The following GPC5 variants were observed in gnomAD, a reference collection of about 807,000 sequenced individuals.
GPC5 encodes the protein glypican 5, also known as glypican-5.
GPC5 carries 47 observed loss-of-function variants against 53.9 expected under a neutral mutation model. The observed-to-expected ratio is 0.87, with a 90% CI of 0.69 to 1.11. GPC5 has a LOEUF of 1.11. GPC5 is among the 50% of genes most tolerant of loss of function. GPC5 has a pLI of 0.00. For synonymous variants in GPC5, 286 were observed against 263.3 expected (o/e 1.09, Z -0.84); for missense variants, 748 against 713.1 (o/e 1.05, Z -0.56).
At chr13:92,748,534 G>A (rs961158466) in intron 7 of GPC5, among the ~76,000 whole-genome samples, 3 of 151,658 alleles carry the variant, frequency 2.0e-5, no homozygotes, top group African/African-American at 4.8e-5. Flanking sequence ...TCTTGGCCAG[G>A]CTGGTCTTGA....
intron 2 of GPC5, among the ~76,000 whole-genome samples, chr13:91,671,032 A>G (rs538965173): frequency 1.3e-5 from 2 of 152,316 alleles, no homozygotes; most frequent in East Asian, 1.9e-4. Context: ...AAGTAATCAC[A>G]AAGGATAGAT....
At chr13:92,793,903 AC>A (rs1394373797) in intron 7 of GPC5, among the ~76,000 whole-genome samples, 2 of 152,096 alleles carry the variant, frequency 1.3e-5, no homozygotes, top group Non-Finnish European at 2.9e-5. Context: ...TAGCCTACCA[AC>A]CAAAAAAAGT....
At chr13:92,196,469 T>A (rs1182733940) in intron 7 of GPC5, among the ~76,000 whole-genome samples, 1 of 152,204 alleles carries the variant, frequency 6.6e-6, no homozygotes, top group East Asian at 1.9e-4. Context: ...TAGCTTTTTA[T>A]TGTTCTATAT....
chr13:91,539,730 G>T (rs1024224919), intron 2 of GPC5, among the ~76,000 whole-genome samples: 3 of 151,774 alleles, frequency 2.0e-5, no homozygotes, highest in African/African-American at 7.3e-5. Context: ...GAGAAATGAG[G>T]ATGTATACTT....
At chr13:91,981,065 A>AT (rs900856896) in intron 6 of GPC5, among the ~76,000 whole-genome samples, 7 of 152,130 alleles carry the variant, frequency 4.6e-5, no homozygotes, top group Non-Finnish European at 1.0e-4. Flanking sequence ...TAAGAGTATT[A>AT]TTGTTTGTGT....
intron 6 of GPC5, among the ~76,000 whole-genome samples, chr13:92,090,048 A>G (rs745643002): frequency 2.6e-5 from 4 of 152,210 alleles, no homozygotes; most frequent in Non-Finnish European, 1.5e-5. Flanking sequence ...GTGAAAAAGT[A>G]TGTATGGAAG....
intron 7 of GPC5, among the ~76,000 whole-genome samples, chr13:92,441,755 C>G (rs74948479): frequency 0.018 from 2,778 of 152,258 alleles, 93 homozygotes; most frequent in African/African-American, 0.064. Context: ...AATGGCCCTA[C>G]TTGCCTAGAA....
intron 7 of GPC5, among the ~76,000 whole-genome samples, chr13:92,398,506 C>T (rs957322296): frequency 6.6e-6 from 1 of 151,116 alleles, no homozygotes; most frequent in Non-Finnish European, 1.5e-5. Context: ...AAATTTTACT[C>T]ATTATTTCTG....
chr13:92,660,778 C>A (rs938320507), intron 7 of GPC5, among the ~76,000 whole-genome samples: 1 of 152,068 alleles, frequency 6.6e-6, no homozygotes, highest in Admixed American at 6.6e-5. Flanking sequence ...ACACAATTTT[C>A]TATTATGATG....
chr13:91,655,896 C>G (rs1490055690), intron 2 of GPC5, among the ~76,000 whole-genome samples: 2 of 152,104 alleles, frequency 1.3e-5, no homozygotes, highest in African/African-American at 4.8e-5. Context: ...GGGGTGAAAA[C>G]AACTATGGAG....
intron 2 of GPC5, among the ~76,000 whole-genome samples, chr13:91,463,478 G>A (rs753993971): frequency 2.0e-5 from 3 of 152,066 alleles, no homozygotes; most frequent in Non-Finnish European, 4.4e-5. Context: ...AATTTATGTG[G>A]AAAGGCAGAG....
At chr13:92,428,526 G>C (rs1226041792) in intron 7 of GPC5, among the ~76,000 whole-genome samples, 1 of 152,060 alleles carries the variant, frequency 6.6e-6, no homozygotes, top group Non-Finnish European at 1.5e-5. Flanking sequence ...CTAGTCAGAC[G>C]AGTGGGTGTC....
intron 7 of GPC5, among the ~76,000 whole-genome samples, chr13:92,506,566 C>A (rs915611079): frequency 6.6e-6 from 1 of 152,126 alleles, no homozygotes; most frequent in East Asian, 1.9e-4. Context: ...TTAGACACAA[C>A]AGTTAACCAA....
At chr13:92,736,153 G>T (rs1888929029) in intron 7 of GPC5, among the ~76,000 whole-genome samples, 1 of 151,916 alleles carries the variant, frequency 6.6e-6, no homozygotes, top group Non-Finnish European at 1.5e-5. Flanking sequence ...ATTTTCAGTT[G>T]TTATGTCTTT....
chr13:91,694,011 TATG>T (rs1244909353), intron 3 of GPC5, 130 bp downstream of exon 3: 2 of 748,260 alleles, frequency 2.7e-6, no homozygotes, highest in Non-Finnish European at 4.2e-6. Context: ...TTTTATATCT[TATG>T]ATAAAATTTT....
chr13:91,480,996 C>T (rs1594144210), intron 2 of GPC5, among the ~76,000 whole-genome samples: 1 of 151,776 alleles, frequency 6.6e-6, no homozygotes, highest in East Asian at 1.9e-4. Flanking sequence ...AATAGAACCC[C>T]AAGTTTCGGG....
intron 7 of GPC5, among the ~76,000 whole-genome samples, chr13:92,252,949 A>C (rs1484213174): frequency 1.3e-5 from 2 of 152,128 alleles, no homozygotes; most frequent in Non-Finnish European, 2.9e-5. Context: ...GGGCATAAAA[A>C]TACAGACATA....
intron 3 of GPC5, among the ~76,000 whole-genome samples, chr13:91,718,202 C>G (rs1352848761): frequency 1.3e-5 from 2 of 152,010 alleles, no homozygotes; most frequent in African/African-American, 2.4e-5. Context: ...GCTCCGCTTC[C>G]CCGGTTCATG....
At position 91,651,501 on chromosome 13, in the gene GPC5, C is replaced by T. The variant is rs137978144; in HGVS notation, c.326-41686C>T. On this transcript the variant is annotated intron_variant, in intron 2 of 7. Transcript: ENST00000377067. ...TTGGGAGGCCAAGGCATGTGGATCA[C>T]CTGAGGTTGGGAGTTCAAGACCTGC... is the stretch of plus-strand genomic sequence containing the variant. Among the ~76,000 whole-genome samples, 988 of 152,196 alleles carry T rather than the reference C, an allele frequency of 6.5e-3. 15 individuals are homozygous for T. Among genetic ancestry groups the T allele is most frequent in the Non-Finnish European group, 4.6e-3 (310 of 68,006 alleles).
Sources: allele counts gnomAD v4.1 joint callset (sites outside exome capture counted in the v4.1 genomes callset), GRCh38; gene constraint gnomAD v4.1.1; transcripts MANE v1.5; gene names NCBI Gene and HGNC (gene_info 2026-07-23, HGNC 2026-07-21).